MON1B: variants seen among roughly 807,000 people sequenced by gnomAD.
MON1B encodes the protein MON1 vesicular trafficking associated B, also known as vacuolar fusion protein MON1 homolog B.
A neutral mutation model predicts 45.1 loss-of-function variants in MON1B; 26 were observed. The ratio of observed to expected loss-of-function variants is 0.58; its 90% CI spans 0.42 to 0.80. MON1B has a LOEUF of 0.80. Ranked by LOEUF, MON1B falls within the 30% of genes least tolerant of loss-of-function variation. The pLI, the probability that MON1B is intolerant of heterozygous loss-of-function variation, is 0.00. For synonymous variants in MON1B, 395 were observed against 320.2 expected, an observed-to-expected ratio of 1.23 and a Z score of -2.49; for missense variants, 737 against 754.5, an observed-to-expected ratio of 0.98 and a Z score of 0.27.
In MON1B at chr16:77,193,293, G is replaced by A. The variant is rs2054631963; in HGVS notation, c.149-158G>A. 1 of 645,314 alleles carries A rather than the reference G, an allele frequency of 1.5e-6. No individual in the cohort carries two copies. 40.0% of individuals were successfully genotyped at this position (645,314 alleles called of 1,614,324 possible). On this transcript the variant is annotated intron_variant, in intron 2 of 5. Coordinates refer to ENST00000248248, the MANE Select transcript of MON1B (RefSeq NM_014940.4). The surrounding 1 kb of genome is among the most constrained non-coding windows in gnomAD (Gnocchi z 5.0). The stretch of plus-strand genomic sequence containing the variant: ...AGTGGAGATCATTGCGGGGTCCTAG[G>A]GCAGTCATCGGGTCATTGAGGGGCA...
At position 77,194,811 on chromosome 16, in the gene MON1B, G is replaced by A. The variant is rs527289319; in HGVS notation, c.952G>A (p.Ala318Thr). 1 of 1,611,956 alleles carries A rather than the reference G, an allele frequency of 6.2e-7. No homozygotes were observed. The highest frequency in any genetic ancestry group is 1.1e-5 in the South Asian group (1 of 91,078). Reference sequence around the variant, plus strand: ...CTGGGTGGGTGCACCAGCCTTTGCGGCGGGTGAGGCTTGGGCACCTGTGTG... The same window carrying A: ...CTGGGTGGGTGCACCAGCCTTTGCGACGGGTGAGGCTTGGGCACCTGTGTG... ...LDWVGAPAFA[A>T]GEAWAPVCLP... is the part of the protein sequence containing the mutation. The change falls in exon 4 of 6, where the codon GCG becomes ACG. Residue 318 changes from alanine (A) to threonine (T), a missense_variant. Transcript: ENST00000248248. This position sits in a 1 kb window ranked among gnomAD's most constrained non-coding sequence, Gnocchi z 8.1.
chr16:77,197,225 A>T (rs1479674545), intron 5 of MON1B, among the ~76,000 whole-genome samples: 1 of 149,746 alleles, frequency 6.7e-6, no homozygotes, highest in African/African-American at 2.4e-5. Context: ...GTGGAACCCC[A>T]TCTCTACTAA....
chr16:77,197,857 A>G (rs539082760), intron 5 of MON1B, among the ~76,000 whole-genome samples: 3 of 152,296 alleles, frequency 2.0e-5, no homozygotes, highest in South Asian at 2.1e-4. Flanking sequence ...CCAGTTCCCA[A>G]TGAGCAAACA....
In MON1B at chr16:77,193,112, G is replaced by A. The variant is rs116283937; in HGVS notation, c.149-339G>A. On this transcript the variant is annotated intron_variant, in intron 2 of 5. Coordinates refer to ENST00000248248, the MANE Select transcript of MON1B (RefSeq NM_014940.4). The surrounding 1 kb of genome is among the most constrained non-coding windows in gnomAD (Gnocchi z 5.0). Reference sequence around the variant, plus strand: ...GGGGGATCATTGAAGATGAATAATCGTCATCCAGAGTCAATGGGGTGCTTT... The same window carrying A: ...GGGGGATCATTGAAGATGAATAATCATCATCCAGAGTCAATGGGGTGCTTT... 4.9e-3 allele frequency among the ~76,000 whole-genome samples: 742 copies of A among 152,162 alleles called. 6 individuals carry two copies. Among genetic ancestry groups the A allele is most frequent in the African/African-American group, 0.015 (632 of 41,472 alleles).
rs1457326936 is a variant in MON1B at position 77,193,131 on chromosome 16, G to T, written c.149-320G>T. Among the ~76,000 whole-genome samples the T allele has an allele frequency of 6.6e-6, 1 of 152,122 alleles. No individual in the cohort carries two copies. Among genetic ancestry groups the T allele is most frequent in the Non-Finnish European group, 1.5e-5 (1 of 68,028 alleles). On this transcript the variant is annotated intron_variant, in intron 2 of 5. Coordinates refer to ENST00000248248, the MANE Select transcript of MON1B (RefSeq NM_014940.4). This position sits in a 1 kb window ranked among gnomAD's most constrained non-coding sequence, Gnocchi z 5.0. ...ATAATCGTCATCCAGAGTCAATGGG[G>T]TGCTTTGAAGACTTTGGAATAACAG...
chr16:77,193,420 T>G lies in MON1B; in HGVS notation c.149-31T>G, dbSNP rs1292650319. On this transcript the variant is annotated intron_variant, in intron 2 of 5. Transcript: ENST00000248248. This position sits in a 1 kb window ranked among gnomAD's most constrained non-coding sequence, Gnocchi z 5.0. The stretch of plus-strand genomic sequence containing the variant: ...ATGTGGGATTAGTTAGGAGTTCACA[T>G]GCAGATGACCCACCAGGGGCTCCCT... 40 of 1,524,532 alleles carry G rather than the reference T, an allele frequency of 2.6e-5. No homozygotes were observed. The highest frequency in any genetic ancestry group is 3.4e-5 in the Non-Finnish European group (39 of 1,135,192). 94.4% of individuals were successfully genotyped at this position (1,524,532 alleles called of 1,614,324 possible). A position where few individuals can be genotyped will look rare whatever the true frequency, so the allele number is the denominator to read the frequency against.
At position 77,193,744 on chromosome 16, in the gene MON1B, A is replaced by T; in HGVS notation, c.442A>T (p.Ser148Cys). The T allele has an allele frequency of 6.2e-7, 1 of 1,613,460 alleles. No homozygotes were observed. Reference protein sequence around the residue: ...VMTALVSFVQSAGDAIRAIYA... With the variant: ...VMTALVSFVQCAGDAIRAIYA... ...GACCGCCCTGGTGTCCTTTGTGCAGAGTGCGGGAGATGCCATCCGTGCCAT... is the reference window on the plus strand; with the variant it reads ...GACCGCCCTGGTGTCCTTTGTGCAGTGTGCGGGAGATGCCATCCGTGCCAT... Residue 148 changes from serine to cysteine, a missense_variant, in exon 3 of 6, where the codon AGT (serine) becomes TGT (cysteine). Physicochemically the swap from Ser to Cys is moderately radical, Grantham distance 112. Transcript: ENST00000248248. This position sits in a 1 kb window ranked among gnomAD's most constrained non-coding sequence, Gnocchi z 5.0.
rs545762004 is a variant in MON1B, at chr16:77,193,340, C to T, written c.149-111C>T. On this transcript the variant is annotated intron_variant, in intron 2 of 5. Coordinates refer to ENST00000248248, the MANE Select transcript of MON1B (RefSeq NM_014940.4). This position sits in a 1 kb window ranked among gnomAD's most constrained non-coding sequence, Gnocchi z 5.0. ...GGCATAGGAGACACTTGGAGTTCTG[C>T]GTCAGCATGCAGGGGTCATGGAGGG... The T allele has an allele frequency of 6.6e-6, 7 of 1,056,174 alleles. No individual in the cohort carries two copies. The highest frequency in any genetic ancestry group is 4.8e-5 in the African/African-American group (3 of 62,348). 65.4% of individuals were successfully genotyped at this position (1,056,174 alleles called of 1,614,324 possible). A position where few individuals can be genotyped will look rare whatever the true frequency, so the allele number is the denominator to read the frequency against.
rs539529755 is a variant in MON1B at position 77,199,533 on chromosome 16, G to A, written c.*1225G>A. 1.8e-4 allele frequency: 273 copies of A among 1,541,918 alleles called. 3 individuals are homozygous for A. The African/African-American group carries it at 3.0e-3, about 17-fold the overall frequency. On this transcript the variant is annotated 3_prime_UTR_variant, in exon 6 of 6. Transcript: ENST00000248248. ...TGAAGGTAGTGAGGGCAAGTGGGCT[G>A]CACTCCTTTCTCTCCAACCAGGGCA...
Position 77,199,618 on chromosome 16 carries a change from A to G in MON1B, c.*1310A>G. The G allele has an allele frequency of 1.0e-6, 1 of 991,754 alleles. No individual in the cohort carries two copies. The highest frequency in any genetic ancestry group is 2.6e-5 in the East Asian group (1 of 37,882). The allele number at this position is 991,754 out of a possible 1,614,324, so 61.4% of individuals were successfully genotyped here. Reference sequence around the variant, plus strand: ...AAATAATGATATTCTAATTTTTTTAAATAAAATGTTAAGCCTTTTGTTATT... The same window carrying G: ...AAATAATGATATTCTAATTTTTTTAGATAAAATGTTAAGCCTTTTGTTATT... On this transcript the variant is annotated 3_prime_UTR_variant, in exon 6 of 6. Transcript: ENST00000248248.
chr16:77,192,417 C>G (rs1180171123), intron 2 of MON1B, among the ~76,000 whole-genome samples: 1 of 152,110 alleles, frequency 6.6e-6, no homozygotes, highest in Non-Finnish European at 1.5e-5. Context: ...GACATAGTTG[C>G]ACATGGATAA....
chr16:77,197,949 T>C (rs561403854), intron 5 of MON1B, among the ~76,000 whole-genome samples, 159 bp from the exon 6 acceptor site: 1 of 152,256 alleles, frequency 6.6e-6, no homozygotes, highest in Admixed American at 6.5e-5. Flanking sequence ...AATATCAGCT[T>C]ACCTACCTTA....
At position 77,199,608 on chromosome 16, in the gene MON1B, A is replaced by C; in HGVS notation, c.*1300A>C. 5 of 1,023,600 alleles carry C rather than the reference A, an allele frequency of 4.9e-6. No individual in the cohort carries two copies. The South Asian group carries it at 6.4e-5, about 13-fold the overall frequency. 63.4% of individuals were successfully genotyped at this position (1,023,600 alleles called of 1,614,324 possible). ...TACAATAATGAAATAATGATATTCT[A>C]ATTTTTTTAAATAAAATGTTAAGCC... On this transcript the variant is annotated 3_prime_UTR_variant, in exon 6 of 6. Transcript: ENST00000248248.
In MON1B at chr16:77,198,360, T is replaced by C. The variant is rs1024578342; in HGVS notation, c.*52T>C. ...GCTGGGAGCAACCACCTTTGTTTTTTACCTTCTGTCTACCCTGGAAATGTG... is the reference window on the plus strand; with the variant it reads ...GCTGGGAGCAACCACCTTTGTTTTTCACCTTCTGTCTACCCTGGAAATGTG... On this transcript the variant is annotated 3_prime_UTR_variant, in exon 6 of 6. Coordinates refer to ENST00000248248, the MANE Select transcript of MON1B (RefSeq NM_014940.4). 2.6e-6 allele frequency: 4 copies of C among 1,554,712 alleles called. No homozygotes were observed. The highest frequency in any genetic ancestry group is 1.7e-5 in the Admixed American group (1 of 59,804).
chr16:77,193,700 C>T lies in MON1B; in HGVS notation c.398C>T (p.Ser133Leu), dbSNP rs182287858. 1.4e-5 allele frequency: 23 copies of T among 1,614,048 alleles called. No individual in the cohort carries two copies. Among genetic ancestry groups the T allele is most frequent in the Admixed American group, 1.7e-5 (1 of 60,016 alleles). Residue 133 changes from serine to leucine, a missense_variant, in exon 3 of 6, where the codon TCG (serine) becomes TTG (leucine). Physicochemically the swap from Ser to Leu is moderately radical, Grantham distance 145. Transcript: ENST00000248248. This position sits in a 1 kb window ranked among gnomAD's most constrained non-coding sequence, Gnocchi z 5.0. ...YSRYGSVEALSATMGVMTALV... is the reference protein window; with the variant it reads ...YSRYGSVEALLATMGVMTALV... Reference sequence around the variant, plus strand: ...CGGTATGGTAGTGTGGAGGCGCTGTCGGCTACCATGGGTGTAATGACCGCC... The same window carrying T: ...CGGTATGGTAGTGTGGAGGCGCTGTTGGCTACCATGGGTGTAATGACCGCC...
In MON1B at chr16:77,199,535, A is replaced by C; in HGVS notation, c.*1227A>C. On this transcript the variant is annotated 3_prime_UTR_variant, in exon 6 of 6. Transcript: ENST00000248248. ...AAGGTAGTGAGGGCAAGTGGGCTGCACTCCTTTCTCTCCAACCAGGGCAGA... is the reference window on the plus strand; with the variant it reads ...AAGGTAGTGAGGGCAAGTGGGCTGCCCTCCTTTCTCTCCAACCAGGGCAGA... 3 of 1,535,432 alleles carry C rather than the reference A, an allele frequency of 2.0e-6. No individual in the cohort carries two copies. Among genetic ancestry groups the C allele is most frequent in the Admixed American group, 3.9e-5 (2 of 50,924 alleles).
At chr16:77,196,053 C>T (rs868807843) in intron 5 of MON1B, among the ~76,000 whole-genome samples, 1 of 152,134 alleles carries the variant, frequency 6.6e-6, no homozygotes, top group Admixed American at 6.5e-5. Context: ...CTCCATGAGT[C>T]CCCAGCACTC....
At chr16:77,195,796 G>A in intron 5 of MON1B, 114 bp downstream of exon 5, 1 of 1,313,690 alleles carries the variant, frequency 7.6e-7, no homozygotes, top group Non-Finnish European at 1.1e-6. Flanking sequence ...CTCTGGCTGG[G>A]CTGTGCCTTG....
At position 77,201,479 on chromosome 16, in the gene MON1B, T is replaced by C. The variant is rs1464501521; in HGVS notation, c.*3171T>C. The C allele has an allele frequency of 6.6e-6, 1 of 152,216 alleles. No homozygotes were observed. The allele number at this position is 152,216 out of a possible 1,614,324, so 9.4% of individuals were successfully genotyped here. A position where few individuals can be genotyped will look rare whatever the true frequency, so the allele number is the denominator to read the frequency against. ...ATAGTATCTGGTATTGACGACCTTG[T>C]AGAGAAACAGGCCTTTTCCTGCCTC... On this transcript the variant is annotated 3_prime_UTR_variant, in exon 6 of 6. Coordinates refer to ENST00000248248, the MANE Select transcript of MON1B (RefSeq NM_014940.4).
Sources: gnomAD v4.1 joint callset for allele counts (sites outside exome capture counted in the v4.1 genomes callset) on GRCh38, gnomAD v4.1.1 for gene constraint, Gnocchi (gnomAD v3.1) non-coding constraint, MANE v1.5 for transcripts, NCBI Gene and HGNC (gene_info 2026-07-23, HGNC 2026-07-21) for gene names.